CSMD1: variants seen among roughly 807,000 people sequenced by gnomAD.
CSMD1 encodes CUB and sushi domain-containing protein 1.
CSMD1 carries 213 observed loss-of-function variants against 417.5 expected under a neutral mutation model. The ratio of observed to expected loss-of-function variants is 0.51; its 90% CI spans 0.46 to 0.57. The LOEUF (loss-of-function observed/expected upper bound fraction) is 0.57. Ranked by LOEUF, CSMD1 falls within the 20% of genes least tolerant of loss-of-function variation. CSMD1 has a pLI of 0.00. For synonymous variants in CSMD1, 2,862 were observed against 1,736.8 expected, an observed-to-expected ratio of 1.65 and a Z score of -16.11; for missense variants, 6,923 against 4,529.7, an observed-to-expected ratio of 1.53 and a Z score of -15.17.
At chr8:4,263,327 G>T (rs1265192134) in intron 3 of CSMD1, among the ~76,000 whole-genome samples, 1 of 152,124 alleles carries the variant, frequency 6.6e-6, no homozygotes, top group Non-Finnish European at 1.5e-5. Flanking sequence ...GGGCCTCTGT[G>T]ACTTCTTTCC....
At chr8:4,000,051 T>C (rs1256235304) in intron 4 of CSMD1, among the ~76,000 whole-genome samples, 1 of 152,384 alleles carries the variant, frequency 6.6e-6, no homozygotes. Flanking sequence ...ATACTACAAT[T>C]TGAAAACTGC....
At chr8:4,945,988 T>C (rs576709130) in intron 1 of CSMD1, among the ~76,000 whole-genome samples, 5 of 152,126 alleles carry the variant, frequency 3.3e-5, no homozygotes, top group Non-Finnish European at 5.9e-5. Flanking sequence ...GAAGACACGG[T>C]AGAGACCTGT....
chr8:3,448,316 GAAGGAAGGGAGC>G lies in CSMD1; in HGVS notation c.1561+20384_1561+20395del, dbSNP rs1338438610. ...CTGAAACTGGTGGGAAGGAAGGAAG[GAAGGAAGGGAGC>G]AAGGGAGGGAGGGAGGGAGGAAGGA... On this transcript the variant is annotated intron_variant, in intron 12 of 69. Coordinates refer to ENST00000635120, the MANE Select transcript of CSMD1 (RefSeq NM_033225.6). Among the ~76,000 whole-genome samples the G allele has an allele frequency of 4.0e-4, 31 of 77,492 alleles. 1 individual carries two copies. Among genetic ancestry groups the G allele is most frequent in the Middle Eastern group, 5.4e-3 (1 of 184 alleles). The allele number at this position is 77,492 out of a possible 152,430, so 50.8% of individuals were successfully genotyped here. A position where few individuals can be genotyped will look rare whatever the true frequency, so the allele number is the denominator to read the frequency against.
intron 20 of CSMD1, among the ~76,000 whole-genome samples, chr8:3,362,460 G>A (rs770990799): frequency 6.6e-6 from 1 of 152,096 alleles, no homozygotes; most frequent in Non-Finnish European, 1.5e-5. Context: ...TTCTCCAAAG[G>A]CTTTCCTTTC....
At chr8:2,977,510 C>A (rs983098639) in intron 55 of CSMD1, among the ~76,000 whole-genome samples, 1 of 152,142 alleles carries the variant, frequency 6.6e-6, no homozygotes, top group Non-Finnish European at 1.5e-5. Context: ...TACTGATGGG[C>A]ACTTGGGTTG....
chr8:3,666,961 A>C (rs1798723783), intron 7 of CSMD1, among the ~76,000 whole-genome samples: 1 of 152,186 alleles, frequency 6.6e-6, no homozygotes, highest in South Asian at 2.1e-4. Context: ...AAAGCATTGC[A>C]GTCTAATTGT....
Position 3,063,987 on chromosome 8 carries a change from G to A in CSMD1, c.7475-11340C>T, listed in dbSNP as rs117424092. 7.8e-3 allele frequency among the ~76,000 whole-genome samples: 1,184 copies of A among 152,274 alleles called. 12 individuals carry two copies. The highest frequency in any genetic ancestry group is 0.025 in the South Asian group (120 of 4,818). On this transcript the variant is annotated intron_variant, in intron 49 of 69. Transcript: ENST00000635120. ...AAAATAATAACTATATGCCACAGAT[G>A]CACGGTCATTAGGATAAAGTTAGAT...
chr8:3,285,734 C>G (rs1192620349), intron 25 of CSMD1, among the ~76,000 whole-genome samples: 2 of 151,894 alleles, frequency 1.3e-5, no homozygotes, highest in East Asian at 1.9e-4. Context: ...CTTATACATG[C>G]AACAATTTTT....
chr8:3,908,965 T>G (rs371847365), intron 5 of CSMD1, among the ~76,000 whole-genome samples: 102 of 152,216 alleles, frequency 6.7e-4, no homozygotes, highest in African/African-American at 2.4e-3. Flanking sequence ...ACTGTTCTCC[T>G]TCACTACTAC....
rs925419273 is a variant in CSMD1 at position 3,680,888 on chromosome 8, G to A, written c.1009+27526C>T. On this transcript the variant is annotated intron_variant, in intron 7 of 69. Transcript: ENST00000635120. ...GGGATGCAAGGCTGGTTCAATATAC[G>A]CAAATCAGTAAACGTAATCCAGCAT... Among the ~76,000 whole-genome samples, 86 of 152,202 alleles carry A rather than the reference G, an allele frequency of 5.7e-4. 1 individual carries two copies. The highest frequency in any genetic ancestry group is 1.8e-3 in the African/African-American group (73 of 41,508).
At chr8:4,622,187 AG>A (rs1306022635) in intron 2 of CSMD1, among the ~76,000 whole-genome samples, 3 of 151,510 alleles carry the variant, frequency 2.0e-5, no homozygotes, top group Non-Finnish European at 2.9e-5. Flanking sequence ...AAAAAAAAAA[AG>A]AATGGCAGAC....
intron 2 of CSMD1, among the ~76,000 whole-genome samples, chr8:4,618,293 G>A (rs1480935845): frequency 4.8e-5 from 4 of 84,002 alleles, no homozygotes; most frequent in African/African-American, 2.6e-4. Flanking sequence ...GCTAAGCTCA[G>A]CCATGTCCCT....
chr8:3,312,627 C>G (rs1015717584), intron 23 of CSMD1, among the ~76,000 whole-genome samples: 6 of 152,162 alleles, frequency 3.9e-5, no homozygotes, highest in Non-Finnish European at 8.8e-5. Flanking sequence ...GCATTGGAAT[C>G]ACAGCCATCA....
chr8:4,984,760 G>C (rs74407229), intron 1 of CSMD1, among the ~76,000 whole-genome samples: 3,397 of 152,264 alleles, frequency 0.022, 97 homozygotes, highest in South Asian at 0.072. Flanking sequence ...ATGAACAGCA[G>C]AAGGAAAAAC....
Position 3,157,894 on chromosome 8 carries a change from T to C in CSMD1, c.5914+3A>G. 1 of 1,552,340 alleles carries C rather than the reference T, an allele frequency of 6.4e-7. No individual in the cohort carries two copies. The highest frequency in any genetic ancestry group is 2.0e-5 in the Admixed American group (1 of 51,164). The stretch of plus-strand genomic sequence containing the variant: ...AGCAGAGTTACAGAAGGTGCATCCT[T>C]ACCAATGCACAGGGGAGACGGATAG... On this transcript the variant is annotated splice_donor_region_variant and intron_variant, in intron 39 of 69. Transcript: ENST00000635120.
rs2623743 is a variant in CSMD1, at chr8:3,728,806, C to G, written c.932-20315G>C. Among the ~76,000 whole-genome samples the G allele has an allele frequency of 4.5e-3, 691 of 152,354 alleles. 22 individuals carry two copies. The East Asian group carries it at 0.08, about 18-fold the overall frequency. ...ATATGAGGTTTATTCAGCACATTGA[C>G]TGATAATGCCCCCTTAATATTTCTA... On this transcript the variant is annotated intron_variant, in intron 6 of 69. Transcript: ENST00000635120.
At position 4,994,408 on chromosome 8, in the gene CSMD1, C is replaced by T. The variant is rs772715513; in HGVS notation, c.9G>A (p.Ala3=). 15 of 1,611,952 alleles carry T rather than the reference C, an allele frequency of 9.3e-6. No individual in the cohort carries two copies. In the Admixed American group the frequency reaches 2.2e-4, roughly 23 times the overall value. ...GGAGCAGCGACTGGAATCTCCTCCA[C>T]GCAGTCATGTCTGCAGATACTCCAC... MT[A]WRRFQSLLLL... The change falls in exon 1 of 70, where the codon GCG becomes GCA. Residue 3 remains alanine (A), a synonymous_variant. Coordinates refer to ENST00000635120, the MANE Select transcript of CSMD1 (RefSeq NM_033225.6).
At chr8:4,346,827 G>C (rs1800802410) in intron 3 of CSMD1, among the ~76,000 whole-genome samples, 1 of 152,136 alleles carries the variant, frequency 6.6e-6, no homozygotes. Flanking sequence ...AAATCCAAGG[G>C]GATTGAGACT....
At chr8:3,564,773 C>A (rs976506737) in intron 10 of CSMD1, among the ~76,000 whole-genome samples, 34 of 152,084 alleles carry the variant, frequency 2.2e-4, no homozygotes, top group African/African-American at 7.2e-4. Context: ...CACAATCGAT[C>A]TTGAAAGGGG....
Sources: allele counts gnomAD v4.1 joint callset (sites outside exome capture counted in the v4.1 genomes callset), GRCh38; gene constraint gnomAD v4.1.1; transcripts MANE v1.5; gene names NCBI Gene and HGNC (gene_info 2026-07-23, HGNC 2026-07-21).